CSMD1: variants seen among roughly 807,000 people sequenced by gnomAD.
The protein encoded by CSMD1 is CUB and sushi domain-containing protein 1.
A neutral mutation model predicts 417.5 loss-of-function variants in CSMD1; 213 were observed. That is an observed-to-expected ratio of 0.51 (90% CI 0.46 to 0.57). The LOEUF is 0.57. Among genes scored for constraint, CSMD1 ranks in the 20% least tolerant of loss-of-function variants. The probability of loss-of-function intolerance (pLI) is 0.00; values close to 1 mark genes in which losing one functional copy is unlikely to be tolerated. For missense variants in CSMD1, 6,923 were observed against 4,529.7 expected (o/e 1.53, Z -15.17); for synonymous variants, 2,862 against 1,736.8 (o/e 1.65, Z -16.11).
rs189695193 is a variant in CSMD1 at position 3,966,000 on chromosome 8, A to C, written c.818+31903T>G. The stretch of plus-strand genomic sequence containing the variant: ...TAGCGAGAATAAAATGTTAATATGA[A>C]GCATAGATTCAATTTTAGAAAGAAG... On this transcript the variant is annotated intron_variant, in intron 5 of 69. Coordinates refer to ENST00000635120, the MANE Select transcript of CSMD1 (RefSeq NM_033225.6). Among the ~76,000 whole-genome samples, 161 of 152,280 alleles carry C rather than the reference A, an allele frequency of 1.1e-3. 1 individual carries two copies. The highest frequency in any genetic ancestry group is 3.7e-3 in the African/African-American group (153 of 41,558).
intron 3 of CSMD1, among the ~76,000 whole-genome samples, chr8:4,329,590 A>G (rs1415518818): frequency 2.0e-5 from 3 of 152,094 alleles, no homozygotes; most frequent in Admixed American, 6.6e-5. Flanking sequence ...ACGTTGCCAA[A>G]AAATACTTAT....
intron 5 of CSMD1, among the ~76,000 whole-genome samples, chr8:3,876,390 T>A (rs1011238861): frequency 2.6e-5 from 4 of 152,210 alleles, no homozygotes; most frequent in Non-Finnish European, 5.9e-5. Context: ...CAATAAACTT[T>A]CCTGTATTTC....
chr8:3,811,876 T>G (rs2954234), intron 5 of CSMD1, among the ~76,000 whole-genome samples: 1 of 151,952 alleles, frequency 6.6e-6, no homozygotes, highest in African/African-American at 2.4e-5. Flanking sequence ...CCACTATGTG[T>G]TGTGTTTTTG....
chr8:4,044,754 C>G (rs974234710), intron 3 of CSMD1, among the ~76,000 whole-genome samples: 1 of 149,990 alleles, frequency 6.7e-6, no homozygotes, highest in African/African-American at 2.5e-5. Flanking sequence ...ATGTACCACC[C>G]TGGCCACATA....
chr8:3,162,653 C>G (rs1236992526), intron 37 of CSMD1, among the ~76,000 whole-genome samples: 1 of 150,612 alleles, frequency 6.6e-6, no homozygotes, highest in African/African-American at 2.4e-5. Flanking sequence ...TTTTGTTTTT[C>G]AAGCATACTT....
intron 1 of CSMD1, among the ~76,000 whole-genome samples, chr8:4,946,532 G>C (rs546489418): frequency 6.6e-6 from 1 of 152,114 alleles, no homozygotes; most frequent in Non-Finnish European, 1.5e-5. Flanking sequence ...CTCTAACCAG[G>C]CCTGAAGCAT....
In CSMD1 at chr8:3,084,286, G is replaced by A. The variant is rs369039935; in HGVS notation, c.7474+2811C>T. ...TGCCTGTAATCCCAGCACTTTGGGA[G>A]GCTGAGGCAGGAGGATCACCTGAGG... On this transcript the variant is annotated intron_variant, in intron 49 of 69. Transcript: ENST00000635120. Among the ~76,000 whole-genome samples, 510 of 152,194 alleles carry A rather than the reference G, an allele frequency of 3.4e-3. 1 individual carries two copies. The highest frequency in any genetic ancestry group is 0.011 in the African/African-American group (466 of 41,530).
intron 1 of CSMD1, among the ~76,000 whole-genome samples, chr8:4,789,129 A>C (rs1797561049): frequency 6.6e-6 from 1 of 152,208 alleles, no homozygotes; most frequent in South Asian, 2.1e-4. Context: ...GATTCTTGTA[A>C]GAGTTCACTG....
intron 12 of CSMD1, among the ~76,000 whole-genome samples, chr8:3,468,012 G>A (rs889245684): frequency 1.3e-5 from 2 of 152,074 alleles, no homozygotes; most frequent in African/African-American, 2.4e-5. Context: ...AATACTTTAA[G>A]GAACTCAGTT....
At chr8:3,784,087 A>T (rs1258191068) in intron 5 of CSMD1, among the ~76,000 whole-genome samples, 1 of 152,228 alleles carries the variant, frequency 6.6e-6, no homozygotes, top group Non-Finnish European at 1.5e-5. Flanking sequence ...AATGCTTCGG[A>T]AAACATTAGT....
At chr8:4,593,901 C>G (rs1266742050) in intron 2 of CSMD1, among the ~76,000 whole-genome samples, 1 of 152,146 alleles carries the variant, frequency 6.6e-6, no homozygotes, top group Non-Finnish European at 1.5e-5. Context: ...AATTTATTGT[C>G]TCACAGTTTT....
chr8:2,955,888 A>G, intron 63 of CSMD1, 120 bp from the exon 64 acceptor site: 12 of 666,360 alleles, frequency 1.8e-5, no homozygotes, highest in Non-Finnish European at 2.7e-5. Context: ...GTATATATAC[A>G]TATATATACA....
At chr8:3,518,393 T>C (rs1797369368) in intron 10 of CSMD1, among the ~76,000 whole-genome samples, 1 of 152,180 alleles carries the variant, frequency 6.6e-6, no homozygotes, top group African/African-American at 2.4e-5. Context: ...ATATTCCAGA[T>C]GCCATTGTAT....
chr8:3,964,620 G>C (rs1280135096), intron 5 of CSMD1, among the ~76,000 whole-genome samples: 1 of 152,170 alleles, frequency 6.6e-6, no homozygotes, highest in Non-Finnish European at 1.5e-5. Flanking sequence ...GTTTTAGCTA[G>C]TTGCAAAGAA....
At chr8:3,770,531 AAAAT>A (rs1207796893) in intron 5 of CSMD1, among the ~76,000 whole-genome samples, 1 of 152,182 alleles carries the variant, frequency 6.6e-6, no homozygotes, top group African/African-American at 2.4e-5. Context: ...TCCATCTCAA[AAAAT>A]AAATAAATAA....
At chr8:3,087,479 T>G (rs1585315346) in intron 48 of CSMD1, among the ~76,000 whole-genome samples, 194 bp from the exon 49 acceptor site, 2 of 152,304 alleles carry the variant, frequency 1.3e-5, no homozygotes, top group South Asian at 4.1e-4. Flanking sequence ...ACTCTGAAGT[T>G]GAGATGATCT....
chr8:4,478,510 G>A (rs1455585118), intron 2 of CSMD1, among the ~76,000 whole-genome samples: 1 of 152,106 alleles, frequency 6.6e-6, no homozygotes, highest in Non-Finnish European at 1.5e-5. Context: ...GAAAGTAGAT[G>A]TATAAATCAA....
At chr8:4,282,261 T>G (rs1376463037) in intron 3 of CSMD1, among the ~76,000 whole-genome samples, 1 of 152,176 alleles carries the variant, frequency 6.6e-6, no homozygotes, top group Non-Finnish European at 1.5e-5. Context: ...ATATAATCCA[T>G]GTGAACCTGT....
intron 5 of CSMD1, among the ~76,000 whole-genome samples, chr8:3,780,039 T>G (rs544783178): frequency 2.9e-4 from 44 of 152,346 alleles, no homozygotes; most frequent in African/African-American, 9.9e-4. Flanking sequence ...ACACTCTACT[T>G]CTACTTTTGT....
Sources: allele counts gnomAD v4.1 joint callset (sites outside exome capture counted in the v4.1 genomes callset), GRCh38; gene constraint gnomAD v4.1.1; transcripts MANE v1.5; gene names NCBI Gene and HGNC (gene_info 2026-07-23, HGNC 2026-07-21).